Variants in FHL2 observed in about 807,000 individuals in gnomAD.
FHL2 encodes the protein four and a half LIM domains 2.
Under a neutral mutation model 32.7 loss-of-function variants are expected in FHL2, and 20 were observed. The ratio of observed to expected loss-of-function variants is 0.61; its 90% CI spans 0.43 to 0.89. The LOEUF (loss-of-function observed/expected upper bound fraction) is 0.89, where lower values mean the gene tolerates loss of function less well. Ranked by LOEUF, FHL2 falls within the 40% of genes least tolerant of loss-of-function variation. The pLI is 0.00. For missense variants in FHL2, 311 were observed against 358.6 expected (o/e 0.87, Z 1.07); for synonymous variants, 123 against 128.1 (o/e 0.96, Z 0.27).
intron 6 of FHL2, chr2:105,362,942 G>A (rs1383259315): frequency 7.4e-6 from 2 of 269,172 alleles, no homozygotes; most frequent in Non-Finnish European, 1.4e-5. Flanking sequence ...TAAGAACACA[G>A]CACAGCTGCT....
chr2:105,382,941 A>G (rs1682005620), intron 3 of FHL2, among the ~76,000 whole-genome samples: 1 of 152,222 alleles, frequency 6.6e-6, no homozygotes, highest in South Asian at 2.1e-4. Flanking sequence ...GCTGGAGTAC[A>G]GTGGCGCAAT....
chr2:105,386,227 C>G lies in FHL2; in HGVS notation c.156+134G>C, dbSNP rs756290984. 5.7e-4 allele frequency: 543 copies of G among 955,622 alleles called. 1 individual carries two copies. The highest frequency in any genetic ancestry group is 8.0e-4 in the Non-Finnish European group (517 of 642,634). The allele number at this position is 955,622 out of a possible 1,614,324, so 59.2% of individuals were successfully genotyped here. ...GGGAAGAAGCTTCCGAAAGGCTACA[C>G]GCAGGGTCCACGCCCCTCAGAGGGG... On this transcript the variant is annotated intron_variant, in intron 3 of 6. Transcript: ENST00000530340.
At chr2:105,412,985 G>A (rs1683840847) in intron 1 of FHL2, among the ~76,000 whole-genome samples, 1 of 152,218 alleles carries the variant, frequency 6.6e-6, no homozygotes, top group Admixed American at 6.5e-5. Flanking sequence ...ACGTAGCTCA[G>A]TAAGGAAACT....
intron 1 of FHL2, among the ~76,000 whole-genome samples, chr2:105,412,616 T>A (rs1477793263): frequency 6.6e-6 from 1 of 151,940 alleles, no homozygotes; most frequent in Non-Finnish European, 1.5e-5. Flanking sequence ...GTGAGTGAGG[T>A]CGTGCAAGAA....
chr2:105,427,212 A>G (rs1343483873), intron 1 of FHL2, among the ~76,000 whole-genome samples: 1 of 152,214 alleles, frequency 6.6e-6, no homozygotes, highest in Non-Finnish European at 1.5e-5. Context: ...CTCACATTTA[A>G]TGCTAGAAAA....
chr2:105,361,241 T>A lies in FHL2; in HGVS notation c.*42A>T. On this transcript the variant is annotated 3_prime_UTR_variant, in exon 7 of 7. Transcript: ENST00000530340. Reference sequence around the variant, plus strand: ...CTGGGTGAGAAAGAAAACATAAAAATCTGTGTGTGAGATCACAAGCAGCAA... The same window carrying A: ...CTGGGTGAGAAAGAAAACATAAAAAACTGTGTGTGAGATCACAAGCAGCAA... 3 of 1,580,736 alleles carry A rather than the reference T, an allele frequency of 1.9e-6. No homozygotes were observed. Among genetic ancestry groups the A allele is most frequent in the Non-Finnish European group, 2.6e-6 (3 of 1,160,228 alleles).
chr2:105,405,933 A>C (rs1362631077), intron 1 of FHL2, among the ~76,000 whole-genome samples: 1 of 152,234 alleles, frequency 6.6e-6, no homozygotes, highest in Non-Finnish European at 1.5e-5. Flanking sequence ...CACATTATCT[A>C]GTTTTTCCTC....
chr2:105,363,186 C>G (rs1680395288), intron 6 of FHL2, 99 bp downstream of exon 6: 1 of 1,161,086 alleles, frequency 8.6e-7, no homozygotes, highest in Non-Finnish European at 1.2e-6. Flanking sequence ...TTAGGGAGGT[C>G]TGGGGAGTTG....
chr2:105,385,250 C>T (rs1176291434), intron 3 of FHL2, among the ~76,000 whole-genome samples: 1 of 152,204 alleles, frequency 6.6e-6, no homozygotes, highest in Non-Finnish European at 1.5e-5. Context: ...CATCCCTCAA[C>T]TGTCACTAAA....
At chr2:105,436,382 C>T (rs964105322) in intron 1 of FHL2, among the ~76,000 whole-genome samples, 1 of 152,034 alleles carries the variant, frequency 6.6e-6, no homozygotes, top group African/African-American at 2.4e-5. Context: ...AAATCTTTAT[C>T]CTTTTTTACT....
At chr2:105,375,249 TTTTG>T (rs1284720375) in intron 3 of FHL2, 1 of 152,136 alleles carries the variant, frequency 6.6e-6, no homozygotes, top group East Asian at 1.9e-4. Flanking sequence ...TCTTTGCGCA[TTTTG>T]TTTTAGTTCA....
intron 1 of FHL2, among the ~76,000 whole-genome samples, chr2:105,429,410 A>G (rs576869038): frequency 1.3e-5 from 2 of 152,320 alleles, no homozygotes; most frequent in Admixed American, 6.5e-5. Flanking sequence ...ACATCCCCCA[A>G]TGTAATCACC....
intron 3 of FHL2, chr2:105,376,296 C>G (rs930440740): frequency 6.6e-6 from 1 of 152,132 alleles, no homozygotes. Flanking sequence ...AAATCCTGGT[C>G]GGGTCTGTGT....
upstream of FHL2, chr2:105,399,294 C>G: frequency 6.5e-7 from 1 of 1,535,812 alleles, no homozygotes; most frequent in Non-Finnish European, 8.7e-7. Flanking sequence ...GGAGCGTCGC[C>G]TCCGGCGTGG....
chr2:105,362,923 G>T, intron 6 of FHL2: 1 of 206,644 alleles, frequency 4.8e-6, no homozygotes, highest in Non-Finnish European at 9.7e-6. Context: ...AGATGCTAGG[G>T]GACACTTCTA....
upstream of FHL2, chr2:105,399,207 G>T (rs1031050091): frequency 5.5e-6 from 8 of 1,467,532 alleles, no homozygotes; most frequent in Admixed American, 2.7e-5. Context: ...GGGCTGCGGC[G>T]GTCCCGGCCC....
At chr2:105,367,772 T>G (rs772366611) in intron 4 of FHL2, 33 bp from the exon 5 acceptor site, 4 of 1,601,952 alleles carry the variant, frequency 2.5e-6, no homozygotes, top group Non-Finnish European at 8.5e-7. Context: ...CACAGCAGAG[T>G]TATGGTTAGA....
intron 1 of FHL2, among the ~76,000 whole-genome samples, 152 bp downstream of exon 1, chr2:105,398,690 C>G (rs1267683231): frequency 6.6e-6 from 1 of 152,158 alleles, no homozygotes; most frequent in Non-Finnish European, 1.5e-5. Flanking sequence ...TCCCCTCTCC[C>G]CGTGGTCTCC....
intron 1 of FHL2, among the ~76,000 whole-genome samples, chr2:105,425,081 A>G (rs1158447420): frequency 6.6e-6 from 1 of 152,180 alleles, no homozygotes; most frequent in East Asian, 1.9e-4. Flanking sequence ...GAAAGGGAAG[A>G]CATAAGAGAC....
Sources: allele counts gnomAD v4.1 joint callset (sites outside exome capture counted in the v4.1 genomes callset), GRCh38; gene constraint gnomAD v4.1.1; transcripts MANE v1.5; gene names NCBI Gene and HGNC (gene_info 2026-07-23, HGNC 2026-07-21).